ZNF385B: variants seen among roughly 807,000 people sequenced by gnomAD.
ZNF385B encodes the protein zinc finger protein 533.
Under a neutral mutation model 39.2 loss-of-function variants are expected in ZNF385B, and 23 were observed. The ratio of observed to expected loss-of-function variants is 0.59; its 90% CI spans 0.42 to 0.83. The LOEUF is 0.83. ZNF385B is among the 40% of genes least tolerant of loss of function. ZNF385B has a pLI of 0.00. For synonymous variants in ZNF385B, 205 were observed against 222.6 expected, an observed-to-expected ratio of 0.92 and a Z score of 0.70; for missense variants, 552 against 598.9, an observed-to-expected ratio of 0.92 and a Z score of 0.82.
chr2:179,853,483 G>T (rs1684341322), intron 1 of ZNF385B, among the ~76,000 whole-genome samples: 1 of 152,180 alleles, frequency 6.6e-6, no homozygotes, highest in Admixed American at 6.6e-5. Flanking sequence ...GTAGTGCTTA[G>T]AATTCCACAT....
At chr2:179,469,658 T>G (rs2052513114) in intron 6 of ZNF385B, among the ~76,000 whole-genome samples, 1 of 152,138 alleles carries the variant, frequency 6.6e-6, no homozygotes, top group Admixed American at 6.6e-5. Context: ...TTAGGAGAGT[T>G]AGAGTCCCTC....
chr2:179,775,310 A>T (rs1704249751), intron 1 of ZNF385B, among the ~76,000 whole-genome samples: 1 of 152,222 alleles, frequency 6.6e-6, no homozygotes, highest in Non-Finnish European at 1.5e-5. Context: ...AAAGAAATGT[A>T]TAAAATTAAG....
At chr2:179,606,578 TC>T (rs1316363161) in intron 3 of ZNF385B, among the ~76,000 whole-genome samples, 1 of 152,144 alleles carries the variant, frequency 6.6e-6, no homozygotes, top group East Asian at 1.9e-4. Context: ...AGATTTACTA[TC>T]TATGAACATG....
intron 1 of ZNF385B, among the ~76,000 whole-genome samples, chr2:179,847,737 G>T (rs373671786): frequency 1.3e-5 from 2 of 152,268 alleles, no homozygotes; most frequent in South Asian, 2.1e-4. Context: ...GCTGTGGAAG[G>T]GACTAGAGTA....
intron 1 of ZNF385B, among the ~76,000 whole-genome samples, chr2:179,857,072 C>T (rs1684662715): frequency 6.6e-6 from 1 of 152,126 alleles, no homozygotes; most frequent in Admixed American, 6.5e-5. Context: ...ACTTGTTCAA[C>T]CAGAATCTGC....
chr2:179,832,115 A>C (rs1269556255), intron 1 of ZNF385B, among the ~76,000 whole-genome samples: 1 of 152,152 alleles, frequency 6.6e-6, no homozygotes, highest in East Asian at 1.9e-4. Context: ...AGATTAATTA[A>C]ACTGTGTCAG....
intron 3 of ZNF385B, among the ~76,000 whole-genome samples, chr2:179,589,175 T>G (rs1359110446): frequency 1.3e-5 from 2 of 152,184 alleles, no homozygotes; most frequent in African/African-American, 2.4e-5. Context: ...AATTTTGAAT[T>G]TTCTTGTTAC....
chr2:179,652,473 A>G (rs2106250319), intron 3 of ZNF385B, among the ~76,000 whole-genome samples: 1 of 152,250 alleles, frequency 6.6e-6, no homozygotes, highest in South Asian at 2.1e-4. Context: ...CGGGATTCCC[A>G]TTAAATAAAA....
intron 1 of ZNF385B, among the ~76,000 whole-genome samples, chr2:179,776,047 A>G (rs915803523): frequency 2.6e-5 from 4 of 152,236 alleles, no homozygotes; most frequent in African/African-American, 9.6e-5. Context: ...CTCTGAAAGA[A>G]CAGCCTGGAA....
chr2:179,635,148 A>G (rs1365223122), intron 3 of ZNF385B, among the ~76,000 whole-genome samples: 2 of 151,824 alleles, frequency 1.3e-5, no homozygotes, highest in African/African-American at 4.8e-5. Flanking sequence ...TCTCAGAAAA[A>G]AAAAAAAGAA....
At chr2:179,627,555 A>C (rs3112960) in intron 3 of ZNF385B, among the ~76,000 whole-genome samples, 97,594 of 151,986 alleles carry the variant, frequency 0.64, 31,444 homozygotes, top group Admixed American at 0.72. Flanking sequence ...ACTAATGCTT[A>C]TCTGTCATCT....
At chr2:179,718,981 T>A (rs949909613) in intron 3 of ZNF385B, among the ~76,000 whole-genome samples, 25 of 151,264 alleles carry the variant, frequency 1.7e-4, no homozygotes, top group African/African-American at 4.8e-4. Flanking sequence ...TATATATATT[T>A]TTTTTTTCTA....
At chr2:179,716,695 G>T (rs1243855772) in intron 3 of ZNF385B, among the ~76,000 whole-genome samples, 1 of 152,112 alleles carries the variant, frequency 6.6e-6, no homozygotes, top group Non-Finnish European at 1.5e-5. Flanking sequence ...GGTAAAAGTG[G>T]CAGTGAATGT....
intron 1 of ZNF385B, among the ~76,000 whole-genome samples, chr2:179,847,625 G>A (rs973376348): frequency 1.3e-5 from 2 of 152,134 alleles, no homozygotes; most frequent in Non-Finnish European, 2.9e-5. Context: ...GCCACTTTTG[G>A]TTTTGTAGTA....
intron 1 of ZNF385B, among the ~76,000 whole-genome samples, chr2:179,788,148 T>C (rs1335622830): frequency 1.3e-5 from 2 of 152,126 alleles, no homozygotes; most frequent in Non-Finnish European, 2.9e-5. Context: ...TTACAATATT[T>C]TAAAACTTGG....
In ZNF385B at chr2:179,493,722, C is replaced by T. The variant is rs200276607; in HGVS notation, c.553-10288G>A. ...ATATATGTATACACATATGCATATA[C>T]GTATATACATATATGTATACATATG... On this transcript the variant is annotated intron_variant, in intron 5 of 9. Transcript: ENST00000410066. Among the ~76,000 whole-genome samples, 162 of 59,236 alleles carry T rather than the reference C, an allele frequency of 2.7e-3. 3 individuals carry two copies. Among genetic ancestry groups the T allele is most frequent in the East Asian group, 0.011 (18 of 1,656 alleles). 38.9% of individuals were successfully genotyped at this position (59,236 alleles called of 152,430 possible).
At chr2:179,641,098 T>C (rs1330060604) in intron 3 of ZNF385B, among the ~76,000 whole-genome samples, 2 of 152,182 alleles carry the variant, frequency 1.3e-5, no homozygotes, top group Non-Finnish European at 2.9e-5. Context: ...AAAGATTCTT[T>C]TTATTTGTTA....
At chr2:179,762,509 T>A (rs1703463232) in intron 3 of ZNF385B, among the ~76,000 whole-genome samples, 1 of 152,202 alleles carries the variant, frequency 6.6e-6, no homozygotes. Context: ...TATTAATTTT[T>A]AAATGGTAAG....
In ZNF385B at chr2:179,564,001, C is replaced by T. The variant is rs138708036; in HGVS notation, c.299-19032G>A. On this transcript the variant is annotated intron_variant, in intron 3 of 9. Coordinates refer to ENST00000410066, the MANE Select transcript of ZNF385B (RefSeq NM_152520.6). The stretch of plus-strand genomic sequence containing the variant: ...GAATACTAGTGCATCCTTGAACTCC[C>T]AAGCTCTTTATTTGTACGTCTCACA... Among the ~76,000 whole-genome samples, 552 of 152,300 alleles carry T rather than the reference C, an allele frequency of 3.6e-3. 8 individuals are homozygous for T. The highest frequency in any genetic ancestry group is 4.4e-3 in the Non-Finnish European group (297 of 68,028).
Sources: allele counts gnomAD v4.1 joint callset (sites outside exome capture counted in the v4.1 genomes callset), GRCh38; gene constraint gnomAD v4.1.1; transcripts MANE v1.5; gene names NCBI Gene and HGNC (gene_info 2026-07-23, HGNC 2026-07-21).